BRCA1: variants seen among roughly 807,000 people sequenced by gnomAD.
The protein encoded by BRCA1 is BRCA1 DNA repair associated.
Under a neutral mutation model 173.7 loss-of-function variants are expected in BRCA1, and 140 were observed. The observed-to-expected ratio is 0.81, with a 90% CI of 0.70 to 0.93. BRCA1 has a LOEUF of 0.93. Among genes scored for constraint, BRCA1 ranks in the 40% least tolerant of loss-of-function variants. BRCA1 has a pLI of 0.00. For synonymous variants in BRCA1, 662 were observed against 756.0 expected, an observed-to-expected ratio of 0.88 and a Z score of 2.04; for missense variants, 1,983 against 2,172.5, an observed-to-expected ratio of 0.91 and a Z score of 1.73.
chr17:43,156,058 G>A (rs112500930), intron 1 of BRCA1, among the ~76,000 whole-genome samples: 2,119 of 152,144 alleles, frequency 0.014, 53 homozygotes, highest in African/African-American at 0.048. Flanking sequence ...CCAATATGGG[G>A]AAACCCCGCC....
chr17:43,124,943 A>C lies in BRCA1; in HGVS notation c.-20+328T>G, dbSNP rs1204037196. The C allele has an allele frequency of 1.6e-5, 5 of 317,366 alleles. No homozygotes were observed. In the Admixed American group the frequency reaches 2.1e-4, roughly 13 times the overall value. 19.7% of individuals were successfully genotyped at this position (317,366 alleles called of 1,614,324 possible). A position where few individuals can be genotyped will look rare whatever the true frequency, so the allele number is the denominator to read the frequency against. Reference sequence around the variant, plus strand: ...GTATTTTTAGTAGAGACGGAGTTTCACCACGTTGGTCAGGCTGGTCTGGAA... The same window carrying C: ...GTATTTTTAGTAGAGACGGAGTTTCCCCACGTTGGTCAGGCTGGTCTGGAA... On this transcript the variant is annotated intron_variant, in intron 1 of 22. Transcript: ENST00000357654.
chr17:43,091,173 T>A (rs799916), intron 10 of BRCA1, 141 bp from the exon 11 acceptor site: 5 of 944,082 alleles, frequency 5.3e-6, no homozygotes, highest in African/African-American at 4.9e-5. Context: ...TTGGGACACC[T>A]GGATTTGCTT....
chr17:43,138,981 G>GC (rs1341871659), intron 1 of BRCA1: 1 of 778,080 alleles, frequency 1.3e-6, no homozygotes, highest in African/African-American at 1.7e-5. Context: ...ACCACCTCTA[G>GC]CCCCTCCAAT....
At chr17:43,116,511 C>T (rs1471833362) in intron 2 of BRCA1, among the ~76,000 whole-genome samples, 1 of 152,204 alleles carries the variant, frequency 6.6e-6, no homozygotes, top group African/African-American at 2.4e-5. Context: ...CCAACACACC[C>T]AAACCCAAGT....
At chr17:43,140,548 G>A (rs553340193) in intron 1 of BRCA1, among the ~76,000 whole-genome samples, 34 of 152,268 alleles carry the variant, frequency 2.2e-4, no homozygotes, top group African/African-American at 8.2e-4. Flanking sequence ...GTAGTGTCCT[G>A]TCTAGAAGGC....
chr17:43,082,601 G>T (rs754508083), intron 11 of BRCA1, 26 bp from the exon 12 acceptor site: 13 of 1,611,694 alleles, frequency 8.1e-6, no homozygotes, highest in Non-Finnish European at 1.1e-5. Flanking sequence ...ATGGCACCAA[G>T]AAAATGAAAT....
intron 2 of BRCA1, among the ~76,000 whole-genome samples, chr17:43,121,412 C>G (rs1485662573): frequency 6.6e-6 from 1 of 151,670 alleles, no homozygotes; most frequent in Non-Finnish European, 1.5e-5. Flanking sequence ...AGTCTGGGAG[C>G]GGTGGCTCAC....
At chr17:43,102,796 GC>G (rs2054550949) in intron 6 of BRCA1, among the ~76,000 whole-genome samples, 1 of 151,888 alleles carries the variant, frequency 6.6e-6, no homozygotes, top group Non-Finnish European at 1.5e-5. Flanking sequence ...GGGACTACAG[GC>G]ACACACCACC....
At chr17:43,070,878 G>A (rs1199462733) in intron 15 of BRCA1, 50 bp downstream of exon 15, 30 of 1,596,636 alleles carry the variant, frequency 1.9e-5, no homozygotes, top group Non-Finnish European at 2.6e-5. Flanking sequence ...ACTCTTTCCA[G>A]AATGTTGTTA....
At chr17:43,144,844 G>C (rs1298047162) in intron 1 of BRCA1, 1 of 487,478 alleles carries the variant, frequency 2.1e-6, no homozygotes, top group African/African-American at 2.0e-5. Flanking sequence ...AACATAGCGA[G>C]AGCAGCTCCG....
At chr17:43,132,093 T>A (rs2055971651) in intron 1 of BRCA1, among the ~76,000 whole-genome samples, 1 of 152,152 alleles carries the variant, frequency 6.6e-6, no homozygotes, top group African/African-American at 2.4e-5. Flanking sequence ...CAGGATATCA[T>A]CATATTTAAT....
At chr17:43,152,876 TA>T (rs137919429) in intron 1 of BRCA1, among the ~76,000 whole-genome samples, 6 of 147,366 alleles carry the variant, frequency 4.1e-5, no homozygotes, top group African/African-American at 1.2e-4. Flanking sequence ...AATAAAAAAA[TA>T]AAAAAAAATA....
intron 2 of BRCA1, 129 bp from the exon 3 acceptor site, chr17:43,115,908 C>T (rs1185495856): frequency 1.8e-5 from 16 of 867,532 alleles, no homozygotes; most frequent in Admixed American, 1.0e-4. Context: ...GCCTCAAGTT[C>T]GTTCAATATT....
chr17:43,135,979 C>T (rs1242462519), intron 1 of BRCA1, among the ~76,000 whole-genome samples: 3 of 152,200 alleles, frequency 2.0e-5, no homozygotes, highest in Non-Finnish European at 4.4e-5. Context: ...TGCAGTACCG[C>T]AGAGTGAGCA....
intron 1 of BRCA1, among the ~76,000 whole-genome samples, chr17:43,146,286 T>C (rs1405678385): frequency 1.3e-5 from 2 of 150,744 alleles, no homozygotes; most frequent in Non-Finnish European, 2.9e-5. Flanking sequence ...CGTGGCTTTT[T>C]AGATTTTTGT....
intron 16 of BRCA1, among the ~76,000 whole-genome samples, chr17:43,066,871 G>A (rs891133940): frequency 1.4e-5 from 2 of 144,116 alleles, no homozygotes; most frequent in African/African-American, 5.3e-5. Flanking sequence ...AGGCTGGAGT[G>A]CAATGGTGCG....
chr17:43,106,296 CT>C (rs939813993), intron 4 of BRCA1, among the ~76,000 whole-genome samples, 159 bp downstream of exon 4: 15 of 152,084 alleles, frequency 9.9e-5, no homozygotes, highest in Non-Finnish European at 2.1e-4. Flanking sequence ...TCCCATAAAA[CT>C]TTCAGGAAAA....
At chr17:43,134,743 C>T (rs1195952024) in intron 1 of BRCA1, among the ~76,000 whole-genome samples, 7 of 152,222 alleles carry the variant, frequency 4.6e-5, no homozygotes, top group African/African-American at 9.6e-5. Flanking sequence ...GGGAGGTTCT[C>T]ACTCCTGGAG....
intron 19 of BRCA1, among the ~76,000 whole-genome samples, chr17:43,055,314 T>C (rs1382478426): frequency 3.3e-5 from 5 of 152,214 alleles, no homozygotes; most frequent in Admixed American, 3.3e-4. Flanking sequence ...CGTGAAGCCT[T>C]CAACAACTTT....
Sources: gnomAD v4.1 joint callset for allele counts (sites outside exome capture counted in the v4.1 genomes callset) on GRCh38, gnomAD v4.1.1 for gene constraint, MANE v1.5 for transcripts, NCBI Gene and HGNC (gene_info 2026-07-23, HGNC 2026-07-21) for gene names.